PAGE2B: variants seen among roughly 807,000 people sequenced by gnomAD.
PAGE2B encodes PAGE family member 2B, also known as putative G antigen family E member 3.
PAGE2B carries 5 observed loss-of-function variants against 7.6 expected under a neutral mutation model. That is an observed-to-expected ratio of 0.66 (90% CI 0.34 to 1.38). PAGE2B has a LOEUF of 1.38. PAGE2B is among the 40% of genes most tolerant of loss of function. The pLI is 0.04. For missense variants in PAGE2B, 70 were observed against 78.4 expected, an observed-to-expected ratio of 0.89 and a Z score of 0.41; for synonymous variants, 29 against 26.7, an observed-to-expected ratio of 1.09 and a Z score of -0.27.
the PAGE2B span, among the ~76,000 whole-genome samples, chrX:55,050,163 G>T: frequency 8.9e-6 from 1 of 112,476 alleles, no homozygotes; most frequent in South Asian, 3.6e-4. Flanking sequence ...TTGCACTGTG[G>T]TCTGAGAGAC....
the PAGE2B span, among the ~76,000 whole-genome samples, chrX:55,050,581 T>G: frequency 9.0e-6 from 1 of 111,025 alleles, no homozygotes; most frequent in Non-Finnish European, 1.9e-5. Context: ...TTTGTCTCTT[T>G]TGATCTTTGT....
the PAGE2B span, among the ~76,000 whole-genome samples, chrX:55,042,451 G>A: frequency 1.8e-5 from 2 of 108,518 alleles, no homozygotes; most frequent in Non-Finnish European, 3.8e-5. Context: ...TCAGGAGATC[G>A]AGACCATCCT....
At chrX:55,059,146 C>T in the PAGE2B span, among the ~76,000 whole-genome samples, 1 of 111,726 alleles carries the variant, frequency 9.0e-6, no homozygotes, top group Non-Finnish European at 1.9e-5. Context: ...AAACAACAGA[C>T]ATTCATTTTC....
the PAGE2B span, among the ~76,000 whole-genome samples, chrX:55,059,004 C>CA: frequency 1.3e-3 from 142 of 108,128 alleles, 1 homozygote; most frequent in South Asian, 0.043. Context: ...CCTCTCTTCA[C>CA]AAAAAAAAAG....
intron 2 of PAGE2B, 65 bp downstream of exon 2, chrX:55,076,190 A>G: frequency 9.0e-7 from 1 of 1,109,748 alleles, no homozygotes; most frequent in Non-Finnish European, 1.2e-6. Context: ...TTTTTGAGCT[A>G]GTGTACACGC....
At chrX:55,053,421 C>A in the PAGE2B span, among the ~76,000 whole-genome samples, 1 of 111,734 alleles carries the variant, frequency 8.9e-6, no homozygotes, top group African/African-American at 3.3e-5. Context: ...GCATGCAGGG[C>A]TTAATACCCA....
At chrX:55,058,897 C>T in the PAGE2B span, among the ~76,000 whole-genome samples, 1 of 109,730 alleles carries the variant, frequency 9.1e-6, no homozygotes, top group African/African-American at 3.3e-5. Context: ...CCAGGGAGAC[C>T]CTGACATATC....
upstream of PAGE2B, among the ~76,000 whole-genome samples, chrX:55,070,612 T>C (rs1936439968): frequency 9.0e-6 from 1 of 111,576 alleles, no homozygotes; most frequent in Non-Finnish European, 1.9e-5. Context: ...CTCCTTGATC[T>C]GTCCAATATT....
chrX:55,052,658 A>G, the PAGE2B span, among the ~76,000 whole-genome samples: 3 of 112,827 alleles, frequency 2.7e-5, no homozygotes, highest in Non-Finnish European at 5.6e-5. Context: ...CCCGTTGGAA[A>G]AGTGCAGTAT....
the PAGE2B span, among the ~76,000 whole-genome samples, chrX:55,045,926 G>C: frequency 9.0e-6 from 1 of 111,110 alleles, no homozygotes; most frequent in African/African-American, 3.3e-5. Context: ...GGGATACAAA[G>C]AAGTCAAATA....
the PAGE2B span, among the ~76,000 whole-genome samples, chrX:55,059,817 G>A: frequency 9.0e-6 from 1 of 111,181 alleles, no homozygotes; most frequent in Non-Finnish European, 1.9e-5. Flanking sequence ...TCTACTCTCA[G>A]TTTCTATCAA....
At chrX:55,045,461 C>A in the PAGE2B span, among the ~76,000 whole-genome samples, 1 of 111,569 alleles carries the variant, frequency 9.0e-6, no homozygotes, top group Non-Finnish European at 1.9e-5. Flanking sequence ...CATCTCTAGA[C>A]ATTTTTCTAT....
chrX:55,050,554 A>ATTATGTAATG, the PAGE2B span, among the ~76,000 whole-genome samples: 1 of 110,412 alleles, frequency 9.1e-6, no homozygotes, highest in South Asian at 3.9e-4. Context: ...TCCCTTTACC[A>ATTATGTAATG]TTATGTAATG....
At chrX:55,048,601 CTGTT>C in the PAGE2B span, among the ~76,000 whole-genome samples, 3 of 111,515 alleles carry the variant, frequency 2.7e-5, no homozygotes, top group African/African-American at 9.8e-5. Context: ...ATTTGGCTCT[CTGTT>C]TGTCTGTTAT....
intron 3 of PAGE2B, 44 bp from the exon 4 acceptor site, chrX:55,077,354 GT>G: frequency 8.3e-7 from 1 of 1,204,203 alleles, no homozygotes; most frequent in South Asian, 1.8e-5. Flanking sequence ...CTTGTTCATA[GT>G]TCATGTTTTA....
the PAGE2B span, among the ~76,000 whole-genome samples, chrX:55,052,407 G>A: frequency 8.9e-6 from 1 of 112,668 alleles, no homozygotes; most frequent in Non-Finnish European, 1.9e-5. Flanking sequence ...GCCCCCAGAG[G>A]TGGAGCCTAC....
the PAGE2B span, among the ~76,000 whole-genome samples, chrX:55,059,782 C>A: frequency 9.0e-6 from 1 of 111,390 alleles, no homozygotes; most frequent in African/African-American, 3.3e-5. Flanking sequence ...CCTACAACCT[C>A]CTGCCAACCC....
chrX:55,055,359 A>G, the PAGE2B span: 1 of 105,037 alleles, frequency 9.5e-6, no homozygotes, highest in African/African-American at 3.4e-5. Context: ...CCGTCTCAGA[A>G]AAAAAAAAAA....
chrX:55,071,891 T>G (rs1181972395), upstream of PAGE2B, among the ~76,000 whole-genome samples: 1 of 112,270 alleles, frequency 8.9e-6, no homozygotes, highest in East Asian at 2.8e-4. Flanking sequence ...GTCCTCTGTT[T>G]TTCCGCTCCC....
Sources: gnomAD v4.1 joint callset for allele counts (sites outside exome capture counted in the v4.1 genomes callset) on GRCh38, gnomAD v4.1.1 for gene constraint, MANE v1.5 for transcripts, NCBI Gene and HGNC (gene_info 2026-07-23, HGNC 2026-07-21) for gene names.